The following TFEC variants were observed in gnomAD, a reference collection of about 807,000 sequenced individuals.
The protein encoded by TFEC is class E basic helix-loop-helix protein 34.
TFEC carries 31 observed loss-of-function variants against 41.6 expected under a neutral mutation model. That is an observed-to-expected ratio of 0.74 (90% CI 0.56 to 1.01). The LOEUF is 1.01. TFEC is among the 50% of genes least tolerant of loss of function. The pLI is 0.00. For synonymous variants in TFEC, 143 were observed against 140.6 expected, an observed-to-expected ratio of 1.02 and a Z score of -0.12; for missense variants, 402 against 404.1, an observed-to-expected ratio of 0.99 and a Z score of 0.04.
At chr7:115,965,841 C>G (rs1792820265) in intron 3 of TFEC, among the ~76,000 whole-genome samples, 1 of 151,548 alleles carries the variant, frequency 6.6e-6, no homozygotes, top group Non-Finnish European at 1.5e-5. Context: ...TCCACATATG[C>G]TTTTTCTACT....
intron 1 of TFEC, among the ~76,000 whole-genome samples, chr7:116,114,469 G>C (rs1392649612): frequency 1.3e-5 from 2 of 152,000 alleles, no homozygotes; most frequent in Admixed American, 6.6e-5. Flanking sequence ...AATTTGCAAA[G>C]GGCAAGCGTA....
At chr7:116,116,878 C>A (rs1490985068) in intron 1 of TFEC, among the ~76,000 whole-genome samples, 1 of 151,810 alleles carries the variant, frequency 6.6e-6, no homozygotes, top group African/African-American at 2.4e-5. Context: ...AGAATCAGTT[C>A]TTAATGGGAA....
chr7:116,043,459 G>C (rs951949157), intron 3 of TFEC, among the ~76,000 whole-genome samples: 4 of 152,138 alleles, frequency 2.6e-5, no homozygotes, highest in Admixed American at 6.5e-5. Context: ...AAAGGTATCA[G>C]TCATCCAATT....
intron 3 of TFEC, among the ~76,000 whole-genome samples, chr7:116,104,347 G>C (rs1268565901): frequency 6.6e-6 from 1 of 152,108 alleles, no homozygotes; most frequent in Non-Finnish European, 1.5e-5. Context: ...TAGATGCTGA[G>C]TCTCAGGTGT....
intron 3 of TFEC, among the ~76,000 whole-genome samples, chr7:116,090,844 AT>A (rs1463617647): frequency 6.6e-6 from 1 of 152,080 alleles, no homozygotes; most frequent in Non-Finnish European, 1.5e-5. Context: ...GTAAACCATT[AT>A]TCTCAACAAA....
intron 3 of TFEC, 23 bp from the exon 4 acceptor site, chr7:115,956,816 A>T: frequency 6.8e-7 from 1 of 1,479,832 alleles, no homozygotes; most frequent in Non-Finnish European, 9.2e-7. Flanking sequence ...AAGGAAGAAA[A>T]GATTAATAAA....
In TFEC at chr7:115,940,493, A is replaced by G; in HGVS notation, c.*58T>C. ...AGCAACATATGAAACACAGAGCATA[A>G]TTGCATAGCACCAGCATAGAATTGC... On this transcript the variant is annotated 3_prime_UTR_variant, in exon 8 of 8. Transcript: ENST00000265440. 6.6e-7 allele frequency: 1 copy of G among 1,525,874 alleles called. No homozygotes were observed. Among genetic ancestry groups the G allele is most frequent in the Non-Finnish European group, 8.8e-7 (1 of 1,134,570 alleles). 94.5% of individuals were successfully genotyped at this position (1,525,874 alleles called of 1,614,324 possible).
intron 1 of TFEC, among the ~76,000 whole-genome samples, chr7:116,116,292 G>T (rs1033557060): frequency 2.6e-5 from 4 of 151,840 alleles, no homozygotes; most frequent in African/African-American, 9.7e-5. Flanking sequence ...AGAAGTATAT[G>T]GGGGACATGA....
chr7:116,013,685 T>C (rs1246073560), intron 1 of TFEC, among the ~76,000 whole-genome samples: 1 of 152,136 alleles, frequency 6.6e-6, no homozygotes, highest in Non-Finnish European at 1.5e-5. Context: ...AGTTACTTAT[T>C]ATCAGTTAAT....
chr7:116,129,568 G>A (rs1798286807), intron 1 of TFEC, among the ~76,000 whole-genome samples: 1 of 131,502 alleles, frequency 7.6e-6, no homozygotes, highest in African/African-American at 2.8e-5. Flanking sequence ...TGCTACCTTT[G>A]TATTCCCAAT....
At position 115,935,991 on chromosome 7, in the gene TFEC, A is replaced by C. The variant is rs1017796884; in HGVS notation, c.*4560T>G. On this transcript the variant is annotated 3_prime_UTR_variant, in exon 8 of 8. Coordinates refer to ENST00000265440, the MANE Select transcript of TFEC (RefSeq NM_012252.4). ...TTGAATCCTGGGAGATATATTTTTT[A>C]ATCAAAATAGCTGTTTTCGGATAAT... The C allele has an allele frequency of 2.6e-5, 4 of 151,600 alleles. No homozygotes were observed. Among genetic ancestry groups the C allele is most frequent in the Non-Finnish European group, 4.4e-5 (3 of 67,604 alleles). 9.4% of individuals were successfully genotyped at this position (151,600 alleles called of 1,614,324 possible). A position where few individuals can be genotyped will look rare whatever the true frequency, so the allele number is the denominator to read the frequency against.
chr7:115,989,574 T>C (rs1013982740), intron 1 of TFEC, among the ~76,000 whole-genome samples: 1 of 152,158 alleles, frequency 6.6e-6, no homozygotes, highest in African/African-American at 2.4e-5. Context: ...GAGGAGATTA[T>C]ATCCCATGCC....
At chr7:115,968,300 C>T (rs1391888530) in intron 3 of TFEC, 6 of 1,508,088 alleles carry the variant, frequency 4.0e-6, no homozygotes, top group African/African-American at 1.4e-5. Context: ...TGTGTGGAAA[C>T]TTCTACACTA....
At chr7:116,024,514 A>T (rs1795514802) in intron 1 of TFEC, among the ~76,000 whole-genome samples, 1 of 152,174 alleles carries the variant, frequency 6.6e-6, no homozygotes, top group African/African-American at 2.4e-5. Flanking sequence ...TGGAGACAAC[A>T]TTACTTGCCC....
At chr7:116,133,258 A>G (rs1269383163) in intron 1 of TFEC, among the ~76,000 whole-genome samples, 1 of 86,600 alleles carries the variant, frequency 1.2e-5, no homozygotes, top group Non-Finnish European at 2.2e-5. Flanking sequence ...TTCCTTAATT[A>G]GAAAAGTCTG....
At chr7:116,012,720 C>T (rs1449184423) in intron 1 of TFEC, among the ~76,000 whole-genome samples, 1 of 148,938 alleles carries the variant, frequency 6.7e-6, no homozygotes, top group Non-Finnish European at 1.5e-5. Context: ...TCAGCCTATT[C>T]AGATATTAAA....
intron 3 of TFEC, among the ~76,000 whole-genome samples, chr7:116,106,322 G>A (rs1340887967): frequency 6.6e-6 from 1 of 152,078 alleles, no homozygotes; most frequent in Non-Finnish European, 1.5e-5. Context: ...TTCCAGTAAT[G>A]TGCCTCAACA....
chr7:116,005,391 A>G (rs1278593490), intron 1 of TFEC, among the ~76,000 whole-genome samples: 2 of 152,214 alleles, frequency 1.3e-5, no homozygotes, highest in Admixed American at 1.3e-4. Context: ...AGGTGGTCTC[A>G]GAGGGAGATG....
chr7:116,090,617 A>C (rs1797303885), intron 3 of TFEC, among the ~76,000 whole-genome samples: 1 of 152,122 alleles, frequency 6.6e-6, no homozygotes, highest in African/African-American at 2.4e-5. Context: ...ACTTAGGTGA[A>C]AGTAGAAAAT....
Sources: allele counts gnomAD v4.1 joint callset (sites outside exome capture counted in the v4.1 genomes callset), GRCh38; gene constraint gnomAD v4.1.1; transcripts MANE v1.5; gene names NCBI Gene and HGNC (gene_info 2026-07-23, HGNC 2026-07-21).